ERC1: variants seen among roughly 807,000 people sequenced by gnomAD.
The protein encoded by ERC1 is RAB6 interacting protein 2.
Under a neutral mutation model 132.0 loss-of-function variants are expected in ERC1, and 56 were observed. The observed-to-expected ratio is 0.42, with a 90% CI of 0.34 to 0.53. ERC1 has a LOEUF of 0.53. Among genes scored for constraint, ERC1 ranks in the 20% least tolerant of loss-of-function variants. The pLI is 0.03. For synonymous variants in ERC1, 478 were observed against 476.1 expected (o/e 1.00, Z -0.05); for missense variants, 1,202 against 1,349.9 (o/e 0.89, Z 1.72).
chr12:1,219,607 C>T (rs902408306), intron 12 of ERC1, among the ~76,000 whole-genome samples: 13 of 151,066 alleles, frequency 8.6e-5, no homozygotes, highest in African/African-American at 2.9e-4. Context: ...GTACTAGTCC[C>T]ATCTCTGTAG....
intron 16 of ERC1, among the ~76,000 whole-genome samples, chr12:1,377,735 T>C (rs1303529823): frequency 1.3e-5 from 2 of 152,216 alleles, no homozygotes; most frequent in South Asian, 2.1e-4. Context: ...CTGTCTATTA[T>C]AGAAGCATGG....
intron 15 of ERC1, among the ~76,000 whole-genome samples, chr12:1,293,800 G>T (rs2154341700): frequency 6.6e-6 from 1 of 152,178 alleles, no homozygotes; most frequent in Admixed American, 6.5e-5. Context: ...AGTTACATAA[G>T]AGCATGTTTA....
chr12:1,172,488 T>C (rs960373732), intron 8 of ERC1, among the ~76,000 whole-genome samples: 10 of 152,122 alleles, frequency 6.6e-5, no homozygotes, highest in African/African-American at 2.2e-4. Context: ...CAAACAAATA[T>C]GTATTTCTTG....
At chr12:1,396,207 A>G (rs2090527295) in intron 16 of ERC1, among the ~76,000 whole-genome samples, 1 of 152,242 alleles carries the variant, frequency 6.6e-6, no homozygotes, top group Non-Finnish European at 1.5e-5. Context: ...ACTGGGTTTT[A>G]AATTCTGATT....
chr12:1,397,033 A>G (rs1264446287), intron 16 of ERC1, among the ~76,000 whole-genome samples: 1 of 152,188 alleles, frequency 6.6e-6, no homozygotes, highest in African/African-American at 2.4e-5. Context: ...TTATGTCACT[A>G]CTTGTCTGGG....
At chr12:1,304,825 T>A (rs1429807756) in intron 15 of ERC1, among the ~76,000 whole-genome samples, 6 of 133,440 alleles carry the variant, frequency 4.5e-5, no homozygotes, top group Admixed American at 1.6e-4. Flanking sequence ...AGTCTCGCTC[T>A]GCTGCCCGGG....
chr12:1,443,841 A>G (rs781630309), intron 17 of ERC1: 4 of 152,284 alleles, frequency 2.6e-5, no homozygotes, highest in Non-Finnish European at 5.9e-5. Context: ...GAGAAAAGAA[A>G]AAACGTAGAG....
rs369606705 is a variant in ERC1 at position 1,005,025 on chromosome 12, T to C, written c.-157+13703T>C. 1.8e-3 allele frequency among the ~76,000 whole-genome samples: 276 copies of C among 152,318 alleles called. 12 individuals are homozygous for C. In the South Asian group the frequency reaches 0.054, roughly 30 times the overall value. On this transcript the variant is annotated intron_variant, in intron 1 of 18. Coordinates refer to ENST00000360905, the MANE Select transcript of ERC1 (RefSeq NM_178040.4). ...GTAAGAAGAAGCCATGTTTTACATC[T>C]TCAGATGCCACGTAGGTGACTTTTC...
At chr12:1,111,333 T>A (rs182229072) in intron 5 of ERC1, among the ~76,000 whole-genome samples, 27 of 152,368 alleles carry the variant, frequency 1.8e-4, no homozygotes, top group Middle Eastern at 3.4e-3. Context: ...TTAAACATTA[T>A]GATTGTAATT....
chr12:1,079,318 T>C (rs1174358620), intron 2 of ERC1, among the ~76,000 whole-genome samples: 2 of 147,814 alleles, frequency 1.4e-5, no homozygotes, highest in East Asian at 4.1e-4. Flanking sequence ...TAGAAATGAT[T>C]TGTAATATGA....
chr12:1,195,159 T>C (rs1956103266), intron 12 of ERC1, among the ~76,000 whole-genome samples: 1 of 152,158 alleles, frequency 6.6e-6, no homozygotes, highest in Non-Finnish European at 1.5e-5. Context: ...TTTAAGCTGA[T>C]TGTTTGAGCT....
chr12:1,392,885 G>GA, intron 16 of ERC1, among the ~76,000 whole-genome samples: 1 of 152,234 alleles, frequency 6.6e-6, no homozygotes, highest in East Asian at 1.9e-4. Context: ...AGAGAATAGA[G>GA]AAAATCAAGA....
rs551195591 is a variant in ERC1 at position 1,295,702 on chromosome 12, C to T, written c.2780+5690C>T. Among the ~76,000 whole-genome samples the T allele has an allele frequency of 2.0e-5, 3 of 151,872 alleles. No individual in the cohort carries two copies. The East Asian group carries it at 5.8e-4, about 29-fold the overall frequency. ...CCCCAATTAATTCTTACAGGGTAGA[C>T]CAAATTTGGACAATGAGTCTCACCG... On this transcript the variant is annotated intron_variant, in intron 15 of 18. Coordinates refer to ENST00000360905, the MANE Select transcript of ERC1 (RefSeq NM_178040.4).
At chr12:1,214,563 G>C (rs989190046) in intron 12 of ERC1, among the ~76,000 whole-genome samples, 1 of 151,940 alleles carries the variant, frequency 6.6e-6, no homozygotes, top group African/African-American at 2.4e-5. Context: ...GAGTGAAGAA[G>C]AAGCATATTC....
At chr12:1,093,782 A>G (rs183641456) in intron 3 of ERC1, among the ~76,000 whole-genome samples, 1 of 151,514 alleles carries the variant, frequency 6.6e-6, no homozygotes, top group East Asian at 1.9e-4. Context: ...TCTAACTAGC[A>G]TATCTGAGGA....
intron 2 of ERC1, among the ~76,000 whole-genome samples, chr12:1,050,866 G>A (rs937258965): frequency 1.3e-5 from 2 of 152,062 alleles, no homozygotes; most frequent in East Asian, 3.8e-4. Context: ...TTAGCTGAGC[G>A]TGGTGGCGCG....
intron 15 of ERC1, among the ~76,000 whole-genome samples, chr12:1,360,741 A>G (rs2086009366): frequency 6.6e-6 from 1 of 152,190 alleles, no homozygotes; most frequent in African/African-American, 2.4e-5. Context: ...AAGTACAAGT[A>G]TATTTTATAA....
intron 17 of ERC1, among the ~76,000 whole-genome samples, chr12:1,413,145 TA>T (rs2091934417): frequency 6.6e-6 from 1 of 152,242 alleles, no homozygotes; most frequent in Non-Finnish European, 1.5e-5. Context: ...TTGAATTTTA[TA>T]AAGAAATTCC....
At chr12:1,120,523 A>T (rs945185369) in intron 7 of ERC1, among the ~76,000 whole-genome samples, 2 of 152,178 alleles carry the variant, frequency 1.3e-5, no homozygotes, top group African/African-American at 4.8e-5. Flanking sequence ...TAACACTGGG[A>T]CTTTTGATAT....
Sources: allele counts gnomAD v4.1 joint callset (sites outside exome capture counted in the v4.1 genomes callset), GRCh38; gene constraint gnomAD v4.1.1; transcripts MANE v1.5; gene names NCBI Gene and HGNC (gene_info 2026-07-23, HGNC 2026-07-21).